MBNL2: variants seen among roughly 807,000 people sequenced by gnomAD.
The protein encoded by MBNL2 is muscleblind like splicing regulator 2.
MBNL2 carries 17 observed loss-of-function variants against 41.9 expected under a neutral mutation model. That is an observed-to-expected ratio of 0.41 (90% CI 0.28 to 0.61). The LOEUF is 0.61. Among genes scored for constraint, MBNL2 ranks in the 20% least tolerant of loss-of-function variants. MBNL2 has a pLI of 0.35. For missense variants in MBNL2, 336 were observed against 505.6 expected (o/e 0.66, Z 3.22); for synonymous variants, 195 against 182.9 (o/e 1.07, Z -0.53).
At chr13:97,160,195 G>C in the MBNL2 span, among the ~76,000 whole-genome samples, 2 of 152,174 alleles carry the variant, frequency 1.3e-5, no homozygotes, top group Admixed American at 6.6e-5. Context: ...CGGTGAAAGA[G>C]CCTTCTGCAA....
At chr13:97,217,528 G>A (rs1306708736), upstream of MBNL2, among the ~76,000 whole-genome samples, 1 of 152,180 alleles carries the variant, frequency 6.6e-6, no homozygotes. Flanking sequence ...TGGATAGAAA[G>A]ATGTTAGATG....
At chr13:97,306,089 A>G (rs2058094456) in intron 2 of MBNL2, among the ~76,000 whole-genome samples, 5 of 152,126 alleles carry the variant, frequency 3.3e-5, no homozygotes, top group Admixed American at 3.3e-4. Flanking sequence ...CACACAGGGG[A>G]AAGGTGGAGA....
At chr13:97,167,832 T>A in the MBNL2 span, among the ~76,000 whole-genome samples, 1 of 152,146 alleles carries the variant, frequency 6.6e-6, no homozygotes, top group Non-Finnish European at 1.5e-5. Flanking sequence ...TCAGAAAGGG[T>A]CTGTATCATG....
intron 8 of MBNL2, among the ~76,000 whole-genome samples, chr13:97,374,063 A>ATTTTTTTTTTTTTTTTTTTTTTTTTTTT (rs61185219): frequency 1.6e-5 from 1 of 63,108 alleles, no homozygotes; most frequent in African/African-American, 5.6e-5. Context: ...CCTCCTTTGC[A>ATTTTTTTTTTTTTTTTTTTTTTTTTTTT]TTTTTTTTTT....
chr13:97,187,857 T>C, the MBNL2 span, among the ~76,000 whole-genome samples: 13 of 148,364 alleles, frequency 8.8e-5, no homozygotes, highest in Admixed American at 6.2e-4. Context: ...TGCAGTGAGC[T>C]GAGATCGCGC....
the MBNL2 span, among the ~76,000 whole-genome samples, chr13:97,195,068 C>T: frequency 1.3e-5 from 2 of 152,040 alleles, no homozygotes; most frequent in African/African-American, 2.4e-5. Context: ...TCTATGAACT[C>T]GCCTCGAATT....
the MBNL2 span, among the ~76,000 whole-genome samples, chr13:97,149,199 T>C: frequency 6.6e-6 from 1 of 152,178 alleles, no homozygotes; most frequent in Non-Finnish European, 1.5e-5. Flanking sequence ...AGCGTAACAT[T>C]ATGCTTCCTA....
chr13:97,157,151 A>G, the MBNL2 span, among the ~76,000 whole-genome samples: 1 of 148,262 alleles, frequency 6.7e-6, no homozygotes, highest in Non-Finnish European at 1.5e-5. Flanking sequence ...ATTCTCTTTG[A>G]AGCAATTGTG....
At chr13:97,234,160 A>T (rs1344637960) in intron 1 of MBNL2, among the ~76,000 whole-genome samples, 1 of 152,186 alleles carries the variant, frequency 6.6e-6, no homozygotes, top group Non-Finnish European at 1.5e-5. Flanking sequence ...ACATTTTGTT[A>T]GAAAATTCTT....
the MBNL2 span, among the ~76,000 whole-genome samples, chr13:97,204,360 T>G: frequency 6.6e-6 from 1 of 152,336 alleles, no homozygotes; most frequent in South Asian, 2.1e-4. Flanking sequence ...GGTCAGTTAT[T>G]AAATATCTTA....
At chr13:97,211,429 C>T in the MBNL2 span, among the ~76,000 whole-genome samples, 1 of 152,172 alleles carries the variant, frequency 6.6e-6, no homozygotes. Context: ...AAGCACAATT[C>T]TCATTTTGTT....
At chr13:97,381,167 A>C (rs2065424200) in intron 8 of MBNL2, among the ~76,000 whole-genome samples, 1 of 152,110 alleles carries the variant, frequency 6.6e-6, no homozygotes, top group Admixed American at 6.6e-5. Flanking sequence ...AAAAAGAAAA[A>C]AACACTAATT....
rs564731810 is a variant in MBNL2, at chr13:97,334,680, A to T, written c.339+240A>T. Among the ~76,000 whole-genome samples, 3 of 152,272 alleles carry T rather than the reference A, an allele frequency of 2.0e-5. No individual in the cohort carries two copies. The East Asian group carries it at 5.8e-4, about 29-fold the overall frequency. Reference sequence around the variant, plus strand: ...TATCTGGGAAATCTGTATCACTCCAACTCTTTTCACCAGTAACTCTCTATC... The same window carrying T: ...TATCTGGGAAATCTGTATCACTCCATCTCTTTTCACCAGTAACTCTCTATC... On this transcript the variant is annotated intron_variant, in intron 3 of 8. Coordinates refer to ENST00000679496, the MANE Select transcript of MBNL2 (RefSeq NM_001382683.1). This position sits in a 1 kb window ranked among gnomAD's most constrained non-coding sequence, Gnocchi z 5.3.
chr13:97,209,694 A>C, the MBNL2 span, among the ~76,000 whole-genome samples: 2 of 152,170 alleles, frequency 1.3e-5, no homozygotes, highest in Non-Finnish European at 2.9e-5. Context: ...CTCATTGCTC[A>C]TTTGGTAAAA....
chr13:97,292,176 G>C (rs1295284194), intron 2 of MBNL2, among the ~76,000 whole-genome samples: 1 of 146,138 alleles, frequency 6.8e-6, no homozygotes, highest in South Asian at 2.2e-4. Context: ...ACTCCAGCCT[G>C]GGCAACAGAG....
At chr13:97,281,076 C>T (rs553800039) in intron 2 of MBNL2, among the ~76,000 whole-genome samples, 1 of 152,320 alleles carries the variant, frequency 6.6e-6, no homozygotes, top group Admixed American at 6.5e-5. Flanking sequence ...GTTGTGATCA[C>T]TCTTGTATTC....
intron 1 of MBNL2, among the ~76,000 whole-genome samples, chr13:97,233,817 T>TAC (rs946003756): frequency 6.6e-6 from 1 of 152,118 alleles, no homozygotes; most frequent in African/African-American, 2.4e-5. Flanking sequence ...CAATGCGTGC[T>TAC]ACTCTAGCTG....
At chr13:97,332,552 A>C (rs937229556) in intron 2 of MBNL2, among the ~76,000 whole-genome samples, 8 of 152,214 alleles carry the variant, frequency 5.3e-5, no homozygotes, top group Non-Finnish European at 7.3e-5. Context: ...GCAAGTCATA[A>C]AGCAAAGAGA....
At chr13:97,182,923 A>T in the MBNL2 span, among the ~76,000 whole-genome samples, 11 of 152,310 alleles carry the variant, frequency 7.2e-5, no homozygotes, top group Admixed American at 2.0e-4. Flanking sequence ...ATTATGAGTT[A>T]CCCCAAGTAT....
Sources: allele counts gnomAD v4.1 joint callset (sites outside exome capture counted in the v4.1 genomes callset), GRCh38; gene constraint gnomAD v4.1.1; non-coding constraint Gnocchi (gnomAD v3.1); transcripts MANE v1.5; gene names NCBI Gene and HGNC (gene_info 2026-07-23, HGNC 2026-07-21).